FANCI: variants seen among roughly 807,000 people sequenced by gnomAD.
FANCI encodes Fanconi anemia group I protein.
In FANCI, 156 loss-of-function variants were observed where a neutral mutation model predicts 176.1. The ratio of observed to expected loss-of-function variants is 0.89; its 90% CI spans 0.78 to 1.01. FANCI has a LOEUF of 1.01. Among genes scored for constraint, FANCI ranks in the 50% least tolerant of loss-of-function variants. FANCI has a pLI of 0.00. For synonymous variants in FANCI, 613 were observed against 541.7 expected (o/e 1.13, Z -1.83); for missense variants, 1,678 against 1,534.1 (o/e 1.09, Z -1.57).
chr15:89,296,314 C>T (rs1272327261), intron 24 of FANCI, among the ~76,000 whole-genome samples: 5 of 150,206 alleles, frequency 3.3e-5, no homozygotes. Context: ...CACCATATTG[C>T]CCAGGCTGGT....
chr15:89,283,763 T>C (rs1470872527), intron 17 of FANCI, among the ~76,000 whole-genome samples: 1 of 151,676 alleles, frequency 6.6e-6, no homozygotes, highest in Non-Finnish European at 1.5e-5. Context: ...TTCTTTCTTT[T>C]TTTTTTTTTG....
chr15:89,268,646 G>T (rs140024727), intron 10 of FANCI, 121 bp downstream of exon 10: 7 of 1,248,318 alleles, frequency 5.6e-6, no homozygotes, highest in Admixed American at 2.1e-5. Context: ...GGGTGTGGAG[G>T]ATCTCTTTTT....
rs1349629689 is a variant in FANCI, at chr15:89,301,612, G to T, written c.3006+170G>T. Reference sequence around the variant, plus strand: ...ACCTATAAGATGTATTCTTTCCTGTGTAATGCGTCTACCACAGCATACTTA... The same window carrying T: ...ACCTATAAGATGTATTCTTTCCTGTTTAATGCGTCTACCACAGCATACTTA... On this transcript the variant is annotated intron_variant, in intron 27 of 37. Coordinates refer to ENST00000310775, the MANE Select transcript of FANCI (RefSeq NM_001113378.2). Among the ~76,000 whole-genome samples, 5 of 152,186 alleles carry T rather than the reference G, an allele frequency of 3.3e-5. No homozygotes were observed. In the East Asian group the frequency reaches 9.6e-4, roughly 29 times the overall value.
At chr15:89,253,541 A>G (rs2052356936) in intron 2 of FANCI, among the ~76,000 whole-genome samples, 1 of 120,082 alleles carries the variant, frequency 8.3e-6, no homozygotes, top group Non-Finnish European at 1.6e-5. Context: ...ATAAATAAAT[A>G]AATAAGTATA....
In FANCI at chr15:89,307,597, C is replaced by T. The variant is rs754610218; in HGVS notation, c.3592-16C>T. ...TACTGCTGGTTACATTGGTTTCCTT[C>T]TCCCTTGTTGTGCAGGTGAAGCTGT... On this transcript the variant is annotated splice_polypyrimidine_tract_variant and intron_variant, in intron 33 of 37. Transcript: ENST00000310775. 60 of 1,614,052 alleles carry T rather than the reference C, an allele frequency of 3.7e-5. No individual in the cohort carries two copies. The highest frequency in any genetic ancestry group is 5.0e-5 in the Non-Finnish European group (59 of 1,180,040).
intron 12 of FANCI, among the ~76,000 whole-genome samples, chr15:89,275,895 C>G (rs1366476074): frequency 6.6e-6 from 1 of 152,222 alleles, no homozygotes; most frequent in Non-Finnish European, 1.5e-5. Flanking sequence ...TCTAAAATAA[C>G]TGGCTGGTTA....
intron 2 of FANCI, among the ~76,000 whole-genome samples, chr15:89,250,653 C>T (rs1192262546): frequency 7.9e-5 from 12 of 151,194 alleles, no homozygotes; most frequent in Non-Finnish European, 1.8e-4. Context: ...ATGTAACAAA[C>T]CTGCATGTTG....
intron 34 of FANCI, 82 bp from the exon 35 acceptor site, chr15:89,312,822 A>G: frequency 8.3e-7 from 1 of 1,206,902 alleles, no homozygotes; most frequent in Non-Finnish European, 1.2e-6. Context: ...GTCTTAAAAA[A>G]AAAAAAAAAA....
chr15:89,297,290 A>G (rs1191234697), intron 24 of FANCI, among the ~76,000 whole-genome samples: 1 of 150,054 alleles, frequency 6.7e-6, no homozygotes, highest in Non-Finnish European at 1.5e-5. Context: ...GCGGCCGGGA[A>G]GAGGCGCTCC....
intron 20 of FANCI, among the ~76,000 whole-genome samples, chr15:89,292,138 C>T (rs947159804): frequency 2.0e-5 from 3 of 152,156 alleles, no homozygotes; most frequent in Non-Finnish European, 4.4e-5. Flanking sequence ...GCCTGGTTGA[C>T]TTTCTGTTCT....
At chr15:89,261,265 C>T (rs202012174) in intron 4 of FANCI, among the ~76,000 whole-genome samples, 6 of 151,368 alleles carry the variant, frequency 4.0e-5, no homozygotes, top group African/African-American at 1.5e-4. Context: ...AGTGAGACCC[C>T]GTCTCAAAAA....
rs74994885 is a variant in FANCI, at chr15:89,270,263, T to G, written c.882+1738T>G. Among the ~76,000 whole-genome samples, 847 of 152,354 alleles carry G rather than the reference T, an allele frequency of 5.6e-3. 10 individuals carry two copies. The highest frequency in any genetic ancestry group is 0.019 in the African/African-American group (775 of 41,590). On this transcript the variant is annotated intron_variant, in intron 10 of 37. Transcript: ENST00000310775. ...TCTGTGCATTACATCAGGAGGAACA[T>G]AGTATTAGCTACCTTACTATTTGTG...
chr15:89,252,882 A>G lies in FANCI; in HGVS notation c.84+5151A>G, dbSNP rs7174557. On this transcript the variant is annotated intron_variant, in intron 2 of 37. Coordinates refer to ENST00000310775, the MANE Select transcript of FANCI (RefSeq NM_001113378.2). ...GAGTCTCAACATCACGAAAATGTCA[A>G]TTCTTCCAAAGTTAATTTATCAATT... Among the ~76,000 whole-genome samples the G allele has an allele frequency of 7.9e-5, 12 of 152,204 alleles. 1 individual carries two copies. Among genetic ancestry groups the G allele is most frequent in the Admixed American group, 6.5e-4 (10 of 15,282 alleles).
chr15:89,277,756 T>G (rs1331685391), intron 13 of FANCI, among the ~76,000 whole-genome samples: 1 of 152,216 alleles, frequency 6.6e-6, no homozygotes, highest in Non-Finnish European at 1.5e-5. Flanking sequence ...TTTCAAAAAT[T>G]TATTTTCTCT....
chr15:89,254,863 C>T (rs2052426592), intron 2 of FANCI, among the ~76,000 whole-genome samples: 1 of 152,126 alleles, frequency 6.6e-6, no homozygotes, highest in African/African-American at 2.4e-5. Context: ...AGTTCTCTTG[C>T]TTACAGTGCA....
rs1294016130 is a variant in FANCI, at chr15:89,296,962, G to A, written c.2636+1868G>A. On this transcript the variant is annotated intron_variant, in intron 24 of 37. Transcript: ENST00000310775. ...TCCCGGACGGGGCGGCTGGCCGGGC[G>A]GGGGGCTGACCCCCCCCACCTCCCT... Among the ~76,000 whole-genome samples the A allele has an allele frequency of 1.9e-4, 27 of 141,044 alleles. No individual in the cohort carries two copies. The East Asian group carries it at 2.1e-3, about 11-fold the overall frequency. The allele number at this position is 141,044 out of a possible 152,430, so 92.5% of individuals were successfully genotyped here.
chr15:89,249,580 T>C (rs2052148062), intron 2 of FANCI, among the ~76,000 whole-genome samples: 1 of 152,144 alleles, frequency 6.6e-6, no homozygotes, highest in South Asian at 2.1e-4. Context: ...ACTCCTGAGC[T>C]CAAGCAATCC....
intron 10 of FANCI, among the ~76,000 whole-genome samples, chr15:89,273,084 G>C (rs1309494434): frequency 6.6e-6 from 1 of 152,016 alleles, no homozygotes; most frequent in African/African-American, 2.4e-5. Flanking sequence ...AGGATCACTT[G>C]AGGCCAGGAG....
At chr15:89,300,081 A>C in intron 25 of FANCI, 115 bp downstream of exon 25, 1 of 1,240,612 alleles carries the variant, frequency 8.1e-7, no homozygotes, top group Non-Finnish European at 1.2e-6. Context: ...AATGTTGCTA[A>C]GGAGTGACAT....
Sources: gnomAD v4.1 joint callset for allele counts (sites outside exome capture counted in the v4.1 genomes callset) on GRCh38, gnomAD v4.1.1 for gene constraint, MANE v1.5 for transcripts, NCBI Gene and HGNC (gene_info 2026-07-23, HGNC 2026-07-21) for gene names.